FTCDNL1: variants seen among roughly 807,000 people sequenced by gnomAD.
FTCDNL1 encodes the protein formiminotransferase cyclodeaminase N-terminal like.
Under a neutral mutation model 5.9 loss-of-function variants are expected in FTCDNL1, and 11 were observed. That is an observed-to-expected ratio of 1.87 (90% CI 1.18 to 3.10). FTCDNL1 has a LOEUF of 3.10. Among genes scored for constraint, FTCDNL1 ranks in the 30% most tolerant of loss-of-function variants. The pLI is 0.00. For synonymous variants in FTCDNL1, 58 were observed against 24.8 expected, an observed-to-expected ratio of 2.34 and a Z score of -3.99; for missense variants, 115 against 65.5, an observed-to-expected ratio of 1.76 and a Z score of -2.61.
intron 3 of FTCDNL1, among the ~76,000 whole-genome samples, chr2:199,787,048 T>C (rs546547532): frequency 2.0e-5 from 3 of 152,314 alleles, no homozygotes; most frequent in South Asian, 2.1e-4. Flanking sequence ...TCTTCTCACA[T>C]TGCATCACTC....
chr2:199,770,350 G>A (rs1361878812), intron 3 of FTCDNL1, among the ~76,000 whole-genome samples: 2 of 152,206 alleles, frequency 1.3e-5, no homozygotes, highest in Admixed American at 6.5e-5. Flanking sequence ...TTATGGTGAT[G>A]AGAAAACTAA....
At chr2:199,733,428 C>T in the FTCDNL1 span, among the ~76,000 whole-genome samples, 1 of 152,110 alleles carries the variant, frequency 6.6e-6, no homozygotes, top group Non-Finnish European at 1.5e-5. Flanking sequence ...AAAAGAGATG[C>T]CTGAGAAGTT....
At chr2:199,718,699 C>T in the FTCDNL1 span, among the ~76,000 whole-genome samples, 2 of 152,172 alleles carry the variant, frequency 1.3e-5, no homozygotes, top group Non-Finnish European at 2.9e-5. Context: ...TACTCTGCAT[C>T]GTTACCAACA....
chr2:199,797,837 C>T (rs1467655061), intron 3 of FTCDNL1, among the ~76,000 whole-genome samples: 6 of 152,156 alleles, frequency 3.9e-5, no homozygotes, highest in Non-Finnish European at 7.3e-5. Context: ...ATCTGGTAGC[C>T]ACAGAACAGA....
chr2:199,749,619 G>A, the FTCDNL1 span, among the ~76,000 whole-genome samples: 3 of 152,192 alleles, frequency 2.0e-5, no homozygotes, highest in Admixed American at 2.0e-4. Context: ...CTGTGTACCA[G>A]GCACTATCTT....
intron 3 of FTCDNL1, among the ~76,000 whole-genome samples, chr2:199,782,281 T>A (rs190642603): frequency 1.3e-5 from 2 of 152,334 alleles, no homozygotes; most frequent in Admixed American, 1.3e-4. Flanking sequence ...GGCAAAATGG[T>A]ATTTTTAATC....
At chr2:199,723,377 C>A in the FTCDNL1 span, among the ~76,000 whole-genome samples, 11 of 152,048 alleles carry the variant, frequency 7.2e-5, no homozygotes, top group Non-Finnish European at 1.3e-4. Flanking sequence ...CCCTTTATTT[C>A]TTTCTCTTGC....
chr2:199,816,551 T>C (rs950981061), intron 4 of FTCDNL1, among the ~76,000 whole-genome samples: 1 of 152,206 alleles, frequency 6.6e-6, no homozygotes, highest in African/African-American at 2.4e-5. Context: ...AATGTTTTTC[T>C]TACATATAAT....
intron 2 of FTCDNL1, 145 bp downstream of exon 2, chr2:199,848,703 G>A (rs1030246857): frequency 5.4e-5 from 30 of 553,916 alleles, no homozygotes; most frequent in African/African-American, 4.5e-4. Context: ...CTGGAGTTGC[G>A]CAGAGCTGCA....
In FTCDNL1 at chr2:199,791,145, C is replaced by T. The variant is rs546496174; in HGVS notation, c.212-30310G>A. Among the ~76,000 whole-genome samples, 4 of 152,110 alleles carry T rather than the reference C, an allele frequency of 2.6e-5. No homozygotes were observed. The East Asian group carries it at 7.7e-4, about 29-fold the overall frequency. ...GTATCAATTAATTCAGAACTATTTC[C>T]ATGAAATCCTGCTTATAAAAATCCT... On this transcript the variant is annotated intron_variant, in intron 3 of 3. Transcript: ENST00000416668.
chr2:199,691,020 A>G, the FTCDNL1 span, among the ~76,000 whole-genome samples: 1 of 152,264 alleles, frequency 6.6e-6, no homozygotes, highest in Non-Finnish European at 1.5e-5. Flanking sequence ...AACATAGGCC[A>G]AAAGCTAAGA....
chr2:199,830,463 G>T (rs1447804632), intron 3 of FTCDNL1, among the ~76,000 whole-genome samples: 1 of 152,156 alleles, frequency 6.6e-6, no homozygotes, highest in African/African-American at 2.4e-5. Context: ...TTATTTTAAA[G>T]ATAGAACATT....
chr2:199,685,158 T>G, the FTCDNL1 span, among the ~76,000 whole-genome samples: 1 of 152,158 alleles, frequency 6.6e-6, no homozygotes, highest in Non-Finnish European at 1.5e-5. Flanking sequence ...ATAGAAAACC[T>G]TTTATTCCAG....
chr2:199,701,299 T>TAA, the FTCDNL1 span, among the ~76,000 whole-genome samples: 9 of 72,384 alleles, frequency 1.2e-4, no homozygotes, highest in African/African-American at 3.6e-4. Flanking sequence ...CTTGAAAGTT[T>TAA]AAAAAAAAAA....
At chr2:199,697,183 A>C in the FTCDNL1 span, among the ~76,000 whole-genome samples, 1 of 152,122 alleles carries the variant, frequency 6.6e-6, no homozygotes. Context: ...GATACAGGAG[A>C]ATGGCGTGAA....
At chr2:199,711,525 G>T in the FTCDNL1 span, among the ~76,000 whole-genome samples, 2 of 152,008 alleles carry the variant, frequency 1.3e-5, no homozygotes, top group African/African-American at 4.8e-5. Flanking sequence ...TTTGATATTG[G>T]GTTGTTATGG....
chr2:199,812,989 T>C (rs945181365), intron 4 of FTCDNL1, among the ~76,000 whole-genome samples: 2 of 152,234 alleles, frequency 1.3e-5, no homozygotes, highest in Admixed American at 1.3e-4. Flanking sequence ...TGTTGAGACC[T>C]TATGGTGAAC....
chr2:199,684,972 C>T, the FTCDNL1 span, among the ~76,000 whole-genome samples: 2 of 152,020 alleles, frequency 1.3e-5, no homozygotes, highest in Non-Finnish European at 1.5e-5. Context: ...CTGTGGTTTT[C>T]TTTTTTCCCT....
the FTCDNL1 span, among the ~76,000 whole-genome samples, chr2:199,719,034 A>T: frequency 6.6e-6 from 1 of 152,040 alleles, no homozygotes; most frequent in African/African-American, 2.4e-5. Context: ...CTGTGCAGAA[A>T]CATTTTAGTT....
Sources: gnomAD v4.1 joint callset for allele counts (sites outside exome capture counted in the v4.1 genomes callset) on GRCh38, gnomAD v4.1.1 for gene constraint, MANE v1.5 for transcripts, NCBI Gene and HGNC (gene_info 2026-07-23, HGNC 2026-07-21) for gene names.